Variants in NUGGC observed in about 807,000 individuals in gnomAD.
The protein encoded by NUGGC is nuclear GTPase, germinal center associated.
NUGGC carries 58 observed loss-of-function variants against 92.6 expected under a neutral mutation model. The observed-to-expected ratio is 0.63, with a 90% CI of 0.51 to 0.78. The LOEUF (loss-of-function observed/expected upper bound fraction) is 0.78, where lower values mean the gene tolerates loss of function less well. Among genes scored for constraint, NUGGC ranks in the 30% least tolerant of loss-of-function variants. NUGGC has a pLI of 0.00. For missense variants in NUGGC, 925 were observed against 964.6 expected, an observed-to-expected ratio of 0.96 and a Z score of 0.54; for synonymous variants, 376 against 366.4, an observed-to-expected ratio of 1.03 and a Z score of -0.30.
At chr8:28,042,438 A>G (rs1272819933) in intron 12 of NUGGC, among the ~76,000 whole-genome samples, 2 of 152,188 alleles carry the variant, frequency 1.3e-5, no homozygotes, top group Non-Finnish European at 2.9e-5. Context: ...ACTTGCTGCT[A>G]TTCCCCAAAC....
chr8:28,029,191 C>T (rs1209760546), intron 17 of NUGGC, 75 bp downstream of exon 17: 7 of 1,492,638 alleles, frequency 4.7e-6, no homozygotes, highest in Admixed American at 2.1e-5. Flanking sequence ...CTATGCCTTC[C>T]ACCTTCTGCA....
intron 18 of NUGGC, among the ~76,000 whole-genome samples, chr8:28,026,240 T>C (rs1311713130): frequency 6.6e-6 from 1 of 152,226 alleles, no homozygotes; most frequent in African/African-American, 2.4e-5. Flanking sequence ...TGAATAACCT[T>C]GTCTATATGC....
intron 13 of NUGGC, among the ~76,000 whole-genome samples, chr8:28,040,013 T>C (rs1809652686): frequency 1.3e-5 from 2 of 152,138 alleles, no homozygotes; most frequent in Admixed American, 1.3e-4. Context: ...AGAGGCCACG[T>C]GAGGATGCAG....
chr8:28,063,561 G>A (rs573615619), intron 7 of NUGGC, among the ~76,000 whole-genome samples: 20 of 152,202 alleles, frequency 1.3e-4, no homozygotes, highest in Non-Finnish European at 2.6e-4. Flanking sequence ...TATAGAGCGT[G>A]CCCTGGGGGA....
chr8:28,078,694 A>T, intron 1 of NUGGC, among the ~76,000 whole-genome samples: 1 of 152,218 alleles, frequency 6.6e-6, no homozygotes, highest in East Asian at 1.9e-4. Flanking sequence ...GACCGTACCA[A>T]TGATTAGGGC....
chr8:28,071,892 T>A (rs1810599635), intron 2 of NUGGC, among the ~76,000 whole-genome samples: 1 of 152,010 alleles, frequency 6.6e-6, no homozygotes, highest in East Asian at 1.9e-4. Flanking sequence ...CAAAACTGAG[T>A]GTGACATTCT....
chr8:28,079,809 G>A (rs1164838951), intron 1 of NUGGC, among the ~76,000 whole-genome samples: 4 of 152,252 alleles, frequency 2.6e-5, no homozygotes, highest in Non-Finnish European at 5.9e-5. Flanking sequence ...GGCATTTCAT[G>A]AGAAGGAAGG....
At chr8:28,046,932 G>A (rs1286943322) in intron 11 of NUGGC, among the ~76,000 whole-genome samples, 2 of 152,000 alleles carry the variant, frequency 1.3e-5, no homozygotes, top group Non-Finnish European at 2.9e-5. Flanking sequence ...ACCTCCCAAA[G>A]TGCTGGGATT....
chr8:28,058,358 G>T, intron 8 of NUGGC, 82 bp from the exon 9 acceptor site: 1 of 284,036 alleles, frequency 3.5e-6, no homozygotes, highest in Non-Finnish European at 6.9e-6. Flanking sequence ...CCCAAAAGCA[G>T]CACACACTCC....
intron 1 of NUGGC, among the ~76,000 whole-genome samples, chr8:28,081,543 A>G (rs933134461): frequency 2.0e-5 from 3 of 152,086 alleles, no homozygotes; most frequent in Non-Finnish European, 2.9e-5. Context: ...TCTTGTCCCT[A>G]TTGATCAAAC....
chr8:28,035,272 C>T (rs893216463), intron 13 of NUGGC, among the ~76,000 whole-genome samples: 4 of 152,194 alleles, frequency 2.6e-5, no homozygotes, highest in Non-Finnish European at 5.9e-5. Flanking sequence ...TTATCTATTG[C>T]TATGAAACAA....
chr8:28,071,710 C>G (rs1200662724), intron 2 of NUGGC, among the ~76,000 whole-genome samples: 1 of 152,058 alleles, frequency 6.6e-6, no homozygotes, highest in Non-Finnish European at 1.5e-5. Context: ...AGAAAACACC[C>G]CCTGGTCATG....
chr8:28,027,733 T>C (rs1033910809), intron 17 of NUGGC, among the ~76,000 whole-genome samples: 25 of 152,160 alleles, frequency 1.6e-4, no homozygotes, highest in African/African-American at 6.0e-4. Flanking sequence ...GCTCTAGCCA[T>C]GGACCTGGAA....
intron 10 of NUGGC, among the ~76,000 whole-genome samples, chr8:28,055,184 C>T (rs1404301822): frequency 2.6e-5 from 4 of 152,192 alleles, no homozygotes; most frequent in African/African-American, 7.2e-5. Context: ...ACCCAGGAGA[C>T]GGAGGTTGCA....
At chr8:28,080,782 C>T (rs891104372) in intron 1 of NUGGC, among the ~76,000 whole-genome samples, 1 of 152,188 alleles carries the variant, frequency 6.6e-6, no homozygotes, top group Non-Finnish European at 1.5e-5. Context: ...ATGCACCAGG[C>T]ACTGTTCTAG....
At chr8:28,064,254 C>G (rs1365346004) in intron 7 of NUGGC, among the ~76,000 whole-genome samples, 1 of 152,192 alleles carries the variant, frequency 6.6e-6, no homozygotes, top group East Asian at 1.9e-4. Context: ...CACTCTGTTT[C>G]CTCTTAAGCC....
At chr8:28,052,193 C>T (rs1325635047) in intron 10 of NUGGC, among the ~76,000 whole-genome samples, 1 of 152,186 alleles carries the variant, frequency 6.6e-6, no homozygotes, top group Non-Finnish European at 1.5e-5. Context: ...TGATATGTGA[C>T]TACAGCTTAT....
At chr8:28,062,551 A>G (rs1810332834) in intron 7 of NUGGC, among the ~76,000 whole-genome samples, 1 of 152,192 alleles carries the variant, frequency 6.6e-6, no homozygotes. Flanking sequence ...CAGGAGGTCG[A>G]GGTTGCAGTC....
intron 2 of NUGGC, 23 bp from the exon 3 acceptor site, chr8:28,070,379 T>G (rs1420884791): frequency 7.9e-7 from 1 of 1,267,444 alleles, no homozygotes; most frequent in African/African-American, 1.5e-5. Flanking sequence ...AGAGGATATA[T>G]AAGATTATAG....
Sources: allele counts gnomAD v4.1 joint callset (sites outside exome capture counted in the v4.1 genomes callset), GRCh38; gene constraint gnomAD v4.1.1; transcripts MANE v1.5; gene names NCBI Gene and HGNC (gene_info 2026-07-23, HGNC 2026-07-21).